Variants in ITPR2 observed in about 807,000 individuals in gnomAD.
The protein encoded by ITPR2 is inositol 1,4,5-trisphosphate-gated calcium channel ITPR2.
In ITPR2, 207 loss-of-function variants were observed where a neutral mutation model predicts 317.1. The observed-to-expected ratio is 0.65, with a 90% CI of 0.58 to 0.73. The LOEUF (loss-of-function observed/expected upper bound fraction) is 0.73, where lower values mean the gene tolerates loss of function less well. ITPR2 is among the 30% of genes least tolerant of loss of function. The pLI, the probability that ITPR2 is intolerant of heterozygous loss-of-function variation, is 0.00. For synonymous variants in ITPR2, 1,156 were observed against 1,149.1 expected, an observed-to-expected ratio of 1.01 and a Z score of -0.12; for missense variants, 2,613 against 3,284.0, an observed-to-expected ratio of 0.80 and a Z score of 4.99.
intron 2 of ITPR2, among the ~76,000 whole-genome samples, chr12:26,786,552 G>A (rs1315051841): frequency 6.6e-6 from 1 of 151,918 alleles, no homozygotes; most frequent in Non-Finnish European, 1.5e-5. Context: ...TCTATTGTAT[G>A]GTTTCTATCG....
Position 26,659,881 on chromosome 12 carries a change from G to T in ITPR2, c.1714-596C>A, listed in dbSNP as rs1947457458. On this transcript the variant is annotated intron_variant, in intron 15 of 56. Coordinates refer to ENST00000381340, the MANE Select transcript of ITPR2 (RefSeq NM_002223.4). ...GTGAATAGGCTGGAATGATCTGTAA[G>T]ATCTTTTCTTTAAAATAATGGTAAA... 2.6e-5 allele frequency among the ~76,000 whole-genome samples: 4 copies of T among 152,192 alleles called. No individual in the cohort carries two copies. The South Asian group carries it at 8.3e-4, about 32-fold the overall frequency.
chr12:26,556,478 C>T (rs1185575458), intron 35 of ITPR2, 103 bp from the exon 36 acceptor site: 15 of 1,069,020 alleles, frequency 1.4e-5, no homozygotes, highest in South Asian at 9.9e-5. Flanking sequence ...TTTATAGATG[C>T]CCCTCTATTT....
intron 48 of ITPR2, among the ~76,000 whole-genome samples, chr12:26,435,436 T>G (rs1006725044): frequency 7.9e-5 from 12 of 152,196 alleles, no homozygotes; most frequent in African/African-American, 2.9e-4. Context: ...ATGGTTATTA[T>G]TAGCTGATTT....
At chr12:26,673,928 G>C (rs1192732815) in intron 13 of ITPR2, among the ~76,000 whole-genome samples, 3 of 110,348 alleles carry the variant, frequency 2.7e-5, no homozygotes, top group African/African-American at 3.3e-5. Flanking sequence ...CAAATCATGA[G>C]TGAACTCCCA....
chr12:26,593,965 G>A (rs555947145), intron 32 of ITPR2, among the ~76,000 whole-genome samples: 9 of 152,242 alleles, frequency 5.9e-5, no homozygotes, highest in Admixed American at 3.9e-4. Context: ...GTGCAACTCC[G>A]CAAATCAGTC....
intron 8 of ITPR2, among the ~76,000 whole-genome samples, chr12:26,711,738 A>T (rs1948645500): frequency 6.6e-6 from 1 of 152,212 alleles, no homozygotes; most frequent in Admixed American, 6.5e-5. Flanking sequence ...GAAACAACAC[A>T]GGGGAAGTAC....
chr12:26,375,793 T>C (rs1406566468), intron 55 of ITPR2, among the ~76,000 whole-genome samples: 2 of 152,226 alleles, frequency 1.3e-5, no homozygotes, highest in Non-Finnish European at 2.9e-5. Context: ...ATCTAATATA[T>C]ACCAGGCACT....
At chr12:26,372,553 G>A (rs1048394124) in intron 55 of ITPR2, among the ~76,000 whole-genome samples, 1 of 152,076 alleles carries the variant, frequency 6.6e-6, no homozygotes, top group Non-Finnish European at 1.5e-5. Flanking sequence ...CCACCACATC[G>A]CACTGTGTCT....
chr12:26,353,968 A>G (rs1025312865), intron 55 of ITPR2, among the ~76,000 whole-genome samples: 3 of 152,200 alleles, frequency 2.0e-5, no homozygotes, highest in Non-Finnish European at 4.4e-5. Flanking sequence ...CAAAAATGCA[A>G]AAATAGAATT....
At chr12:26,389,686 T>C (rs1591983411) in intron 54 of ITPR2, among the ~76,000 whole-genome samples, 1 of 152,324 alleles carries the variant, frequency 6.6e-6, no homozygotes, top group African/African-American at 2.4e-5. Context: ...GCTGACCTTC[T>C]TGATCACCTT....
At chr12:26,746,550 A>G (rs1949328369) in intron 2 of ITPR2, among the ~76,000 whole-genome samples, 1 of 152,176 alleles carries the variant, frequency 6.6e-6, no homozygotes, top group Non-Finnish European at 1.5e-5. Flanking sequence ...TCTCAAAGGA[A>G]TCTGTGGGAG....
chr12:26,710,131 G>A (rs1225829413), intron 9 of ITPR2, among the ~76,000 whole-genome samples: 1 of 152,162 alleles, frequency 6.6e-6, no homozygotes, highest in African/African-American at 2.4e-5. Flanking sequence ...CTACTCAGGA[G>A]GCTGAAGCAA....
intron 5 of ITPR2, among the ~76,000 whole-genome samples, chr12:26,720,080 ATACAGCTGAAAG>A (rs2137040006): frequency 6.6e-6 from 1 of 152,298 alleles, no homozygotes; most frequent in African/African-American, 2.4e-5. Flanking sequence ...AGGGCTTTGT[ATACAGCTGAAAG>A]TACAGGGATC....
At chr12:26,482,607 T>A (rs1942568391) in intron 42 of ITPR2, among the ~76,000 whole-genome samples, 1 of 152,190 alleles carries the variant, frequency 6.6e-6, no homozygotes, top group African/African-American at 2.4e-5. Context: ...GAGACTGAAA[T>A]ATAACCCAGA....
chr12:26,384,296 T>G (rs1939602514), intron 55 of ITPR2, among the ~76,000 whole-genome samples: 1 of 152,212 alleles, frequency 6.6e-6, no homozygotes, highest in African/African-American at 2.4e-5. Flanking sequence ...TAGCTACAGA[T>G]TTTTAGATGT....
rs573429935 is a variant in ITPR2, at chr12:26,496,963, T to A, written c.5074-1703A>T. On this transcript the variant is annotated intron_variant, in intron 37 of 56. Coordinates refer to ENST00000381340, the MANE Select transcript of ITPR2 (RefSeq NM_002223.4). Reference sequence around the variant, plus strand: ...CATCTCAAAAAAAAAAAAAAGAAGATCACACCCATTTTCATCATTTAAGCT... The same window carrying A: ...CATCTCAAAAAAAAAAAAAAGAAGAACACACCCATTTTCATCATTTAAGCT... 2.0e-5 allele frequency among the ~76,000 whole-genome samples: 3 copies of A among 148,206 alleles called. No homozygotes were observed. In the East Asian group the frequency reaches 5.9e-4, roughly 29 times the overall value.
At chr12:26,339,530 A>T in intron 56 of ITPR2, 47 bp from the exon 57 acceptor site, 1 of 1,503,292 alleles carries the variant, frequency 6.7e-7, no homozygotes, top group African/African-American at 1.4e-5. Context: ...TCTCACTCTT[A>T]CCCAGTGCTG....
chr12:26,442,387 T>C (rs7960076), intron 46 of ITPR2, among the ~76,000 whole-genome samples: 1 of 151,946 alleles, frequency 6.6e-6, no homozygotes, highest in Non-Finnish European at 1.5e-5. Context: ...TCAGTAAACA[T>C]GTACTGAATG....
At chr12:26,740,512 G>A (rs1306812624) in intron 2 of ITPR2, among the ~76,000 whole-genome samples, 2 of 152,182 alleles carry the variant, frequency 1.3e-5, no homozygotes, top group African/African-American at 4.8e-5. Flanking sequence ...ACGTCACACA[G>A]TAGAAAGAGT....
Sources: gnomAD v4.1 joint callset for allele counts (sites outside exome capture counted in the v4.1 genomes callset) on GRCh38, gnomAD v4.1.1 for gene constraint, MANE v1.5 for transcripts, NCBI Gene and HGNC (gene_info 2026-07-23, HGNC 2026-07-21) for gene names.